PLEKHM3: variants seen among roughly 807,000 people sequenced by gnomAD.
The protein encoded by PLEKHM3 is pleckstrin homology domain containing M3, also known as pleckstrin homology domain-containing family M member 3.
In PLEKHM3, 45 loss-of-function variants were observed where a neutral mutation model predicts 81.8. The observed-to-expected ratio is 0.55, with a 90% CI of 0.43 to 0.71. PLEKHM3 has a LOEUF of 0.71. PLEKHM3 is among the 30% of genes least tolerant of loss of function. The pLI, the probability that PLEKHM3 is intolerant of heterozygous loss-of-function variation, is 0.00. For missense variants in PLEKHM3, 788 were observed against 924.3 expected (o/e 0.85, Z 1.91); for synonymous variants, 352 against 356.4 (o/e 0.99, Z 0.14).
chr2:208,004,637 C>T (rs910332069), intron 1 of PLEKHM3, among the ~76,000 whole-genome samples: 1 of 152,012 alleles, frequency 6.6e-6, no homozygotes, highest in Non-Finnish European at 1.5e-5. Flanking sequence ...CAAGTTTTCA[C>T]CTCAGGGCCT....
intron 5 of PLEKHM3, among the ~76,000 whole-genome samples, chr2:207,911,273 T>C (rs1188702119): frequency 6.6e-6 from 1 of 152,226 alleles, no homozygotes; most frequent in African/African-American, 2.4e-5. Context: ...TTTGGTAGTC[T>C]GCAATTTTCT....
intron 7 of PLEKHM3, among the ~76,000 whole-genome samples, chr2:207,852,584 T>A: frequency 6.6e-6 from 1 of 152,134 alleles, no homozygotes; most frequent in East Asian, 1.9e-4. Flanking sequence ...CATAATCAAA[T>A]GAAAACGTTA....
At chr2:207,970,813 T>G (rs1691093834) in intron 3 of PLEKHM3, among the ~76,000 whole-genome samples, 1 of 152,164 alleles carries the variant, frequency 6.6e-6, no homozygotes, top group Non-Finnish European at 1.5e-5. Context: ...ACAGCAAAAC[T>G]TCTCCCCACC....
intron 6 of PLEKHM3, among the ~76,000 whole-genome samples, chr2:207,906,681 C>T (rs535474169): frequency 1.3e-5 from 2 of 151,952 alleles, no homozygotes; most frequent in South Asian, 2.1e-4. Context: ...CCCAGCTACA[C>T]GGGAGGCTGA....
chr2:208,005,768 T>C (rs1236605217), intron 1 of PLEKHM3, among the ~76,000 whole-genome samples: 2 of 152,220 alleles, frequency 1.3e-5, no homozygotes, highest in Non-Finnish European at 2.9e-5. Flanking sequence ...GTTCATTGTG[T>C]TCACTAATGG....
rs189975751 is a variant in PLEKHM3 at position 207,929,653 on chromosome 2, T to C, written c.1886+1273A>G. Reference sequence around the variant, plus strand: ...TTTATAAGAATAAATCCTGACCACTTTCTGTGCTTTCTGAAAAACAACTAG... The same window carrying C: ...TTTATAAGAATAAATCCTGACCACTCTCTGTGCTTTCTGAAAAACAACTAG... On this transcript the variant is annotated intron_variant, in intron 5 of 7. Coordinates refer to ENST00000427836, the MANE Select transcript of PLEKHM3 (RefSeq NM_001080475.3). 2.6e-3 allele frequency among the ~76,000 whole-genome samples: 400 copies of C among 152,350 alleles called. 6 individuals carry two copies. Among genetic ancestry groups the C allele is most frequent in the Non-Finnish European group, 9.6e-4 (65 of 68,016 alleles).
At chr2:208,022,694 C>A (rs1049366743) in intron 1 of PLEKHM3, among the ~76,000 whole-genome samples, 7 of 152,204 alleles carry the variant, frequency 4.6e-5, no homozygotes, top group African/African-American at 1.7e-4. Context: ...TACTTTAAGT[C>A]TCTCCAATTT....
At chr2:207,941,959 A>G (rs1372679165) in intron 4 of PLEKHM3, among the ~76,000 whole-genome samples, 12 of 152,232 alleles carry the variant, frequency 7.9e-5, no homozygotes, top group Admixed American at 6.5e-4. Flanking sequence ...CAAAAGACAG[A>G]AAATAACAGA....
chr2:208,015,369 G>A (rs1692870206), intron 1 of PLEKHM3, among the ~76,000 whole-genome samples: 1 of 152,030 alleles, frequency 6.6e-6, no homozygotes, highest in Non-Finnish European at 1.5e-5. Context: ...TCAAACACCA[G>A]CAACTTTATT....
chr2:207,902,759 A>C (rs1688473601), intron 6 of PLEKHM3, among the ~76,000 whole-genome samples: 1 of 152,138 alleles, frequency 6.6e-6, no homozygotes, highest in Non-Finnish European at 1.5e-5. Context: ...AGAGAGAACC[A>C]GTGAGTTCAC....
chr2:207,890,569 A>C lies in PLEKHM3; in HGVS notation c.1950+17945T>G, dbSNP rs570072008. On this transcript the variant is annotated intron_variant, in intron 6 of 7. Transcript: ENST00000427836. ...TTTGAATCCGGATGGTGGAGGTTGC[A>C]GTGAGCCAAGATCGTACCACTGCCC... is the stretch of plus-strand genomic sequence containing the variant. 6.6e-5 allele frequency among the ~76,000 whole-genome samples: 10 copies of C among 152,326 alleles called. No individual in the cohort carries two copies. In the East Asian group the frequency reaches 1.7e-3, roughly 26 times the overall value.
At chr2:207,967,313 A>T (rs1237702309) in intron 3 of PLEKHM3, among the ~76,000 whole-genome samples, 3 of 152,190 alleles carry the variant, frequency 2.0e-5, no homozygotes, top group African/African-American at 7.2e-5. Flanking sequence ...GTTTTCATGT[A>T]GCCATAGCAA....
At chr2:207,985,887 C>A (rs1691700502) in intron 2 of PLEKHM3, among the ~76,000 whole-genome samples, 1 of 151,486 alleles carries the variant, frequency 6.6e-6, no homozygotes, top group Non-Finnish European at 1.5e-5. Flanking sequence ...ACTCGGGAAG[C>A]TGAGGCAGGA....
chr2:207,859,357 C>T (rs1349406594), intron 7 of PLEKHM3, among the ~76,000 whole-genome samples: 1 of 151,128 alleles, frequency 6.6e-6, no homozygotes, highest in Non-Finnish European at 1.5e-5. Flanking sequence ...AGGGTGGTCT[C>T]GAACTCCCAA....
chr2:207,895,266 C>T (rs74418476), intron 6 of PLEKHM3, among the ~76,000 whole-genome samples: 2,881 of 152,248 alleles, frequency 0.019, 97 homozygotes, highest in African/African-American at 0.065. Flanking sequence ...AGTGAGACTG[C>T]ACCATACCAA....
At chr2:207,959,332 A>C (rs1308019552) in intron 3 of PLEKHM3, among the ~76,000 whole-genome samples, 1 of 152,150 alleles carries the variant, frequency 6.6e-6, no homozygotes, top group Non-Finnish European at 1.5e-5. Context: ...GTGATTCCCC[A>C]GTTACATCTC....
intron 6 of PLEKHM3, among the ~76,000 whole-genome samples, chr2:207,878,980 A>T (rs1043455588): frequency 6.6e-6 from 1 of 152,080 alleles, no homozygotes; most frequent in African/African-American, 2.4e-5. Context: ...TCTAGTCTTT[A>T]TCTACCATGT....
chr2:207,888,212 C>T (rs1687941438), intron 6 of PLEKHM3, among the ~76,000 whole-genome samples: 1 of 152,166 alleles, frequency 6.6e-6, no homozygotes, highest in African/African-American at 2.4e-5. Flanking sequence ...TGCTAGGCTG[C>T]TTCTCCTCTG....
chr2:207,917,464 A>T (rs996405461), intron 5 of PLEKHM3, among the ~76,000 whole-genome samples: 3 of 152,260 alleles, frequency 2.0e-5, no homozygotes, highest in Non-Finnish European at 4.4e-5. Flanking sequence ...TGCACACTTC[A>T]GTCTCAGATT....
Sources: allele counts gnomAD v4.1 joint callset (sites outside exome capture counted in the v4.1 genomes callset), GRCh38; gene constraint gnomAD v4.1.1; transcripts MANE v1.5; gene names NCBI Gene and HGNC (gene_info 2026-07-23, HGNC 2026-07-21).